Variants in DCAF7 observed in about 807,000 individuals in gnomAD.
DCAF7 encodes the protein DDB1- and CUL4-associated factor 7.
In DCAF7, 4 loss-of-function variants were observed where a neutral mutation model predicts 41.2. The ratio of observed to expected loss-of-function variants is 0.10; its 90% CI spans 0.05 to 0.22. The LOEUF (loss-of-function observed/expected upper bound fraction) is 0.22, where lower values mean the gene tolerates loss of function less well. Among genes scored for constraint, DCAF7 ranks in the 10% least tolerant of loss-of-function variants. The probability of loss-of-function intolerance (pLI) is 1.00; values close to 1 mark genes in which losing one functional copy is unlikely to be tolerated. For missense variants in DCAF7, 131 were observed against 443.2 expected (o/e 0.30, Z 6.32); for synonymous variants, 143 against 164.2 (o/e 0.87, Z 0.99).
Position 63,592,246 on chromosome 17 carries a change from C to CA in DCAF7, c.*3083dup, listed in dbSNP as rs912923360. The CA allele has an allele frequency of 3.3e-5, 5 of 150,422 alleles. No homozygotes were observed. Among genetic ancestry groups the CA allele is most frequent in the Admixed American group, 6.6e-5 (1 of 15,078 alleles). 9.3% of individuals were successfully genotyped at this position (150,422 alleles called of 1,614,324 possible). On this transcript the variant is annotated 3_prime_UTR_variant, in exon 7 of 7. Transcript: ENST00000614556. ...TGAAACCCCATCTCTACTAAAAATA[C>CA]AAAAAAAAATTAGCCGGGGGTGGTG...
intron 1 of DCAF7, among the ~76,000 whole-genome samples, chr17:63,568,782 GC>G (rs1262854997): frequency 1.3e-5 from 2 of 152,228 alleles, no homozygotes; most frequent in East Asian, 3.9e-4. Flanking sequence ...CTCACACCCT[GC>G]CCCACCTCAC....
intron 1 of DCAF7, among the ~76,000 whole-genome samples, chr17:63,562,072 C>A (rs1191750722): frequency 2.0e-5 from 3 of 150,528 alleles, no homozygotes; most frequent in African/African-American, 7.3e-5. Context: ...GGAACACTTA[C>A]CCTACCAGAT....
At chr17:63,553,443 G>A (rs554598904) in intron 1 of DCAF7, among the ~76,000 whole-genome samples, 1 of 152,230 alleles carries the variant, frequency 6.6e-6, no homozygotes, top group Non-Finnish European at 1.5e-5. Flanking sequence ...CCCTGCGAGA[G>A]AGAAGTATGT....
chr17:63,581,908 A>T (rs998504024), intron 4 of DCAF7, among the ~76,000 whole-genome samples: 5 of 152,062 alleles, frequency 3.3e-5, no homozygotes, highest in Non-Finnish European at 7.4e-5. Flanking sequence ...TGTACTTGGG[A>T]GTTGTCACCT....
chr17:63,551,344 C>T (rs1167664020), intron 1 of DCAF7, among the ~76,000 whole-genome samples: 1 of 142,694 alleles, frequency 7.0e-6, no homozygotes, highest in Non-Finnish European at 1.5e-5. Flanking sequence ...GCCCTTCTGC[C>T]AGAATTACTG....
chr17:63,585,386 C>A (rs1472581892), intron 6 of DCAF7, 58 bp downstream of exon 6: 3 of 1,464,368 alleles, frequency 2.0e-6, no homozygotes, highest in Admixed American at 1.7e-5. Flanking sequence ...GTTCTCTTGG[C>A]TCCTTAGAAT....
At chr17:63,566,948 G>T (rs2033449095) in intron 1 of DCAF7, among the ~76,000 whole-genome samples, 1 of 150,970 alleles carries the variant, frequency 6.6e-6, no homozygotes, top group African/African-American at 2.4e-5. Flanking sequence ...TATGATGCAA[G>T]TCTATTTAAG....
chr17:63,575,636 C>T (rs1360469169), intron 1 of DCAF7, among the ~76,000 whole-genome samples: 1 of 152,012 alleles, frequency 6.6e-6, no homozygotes, highest in East Asian at 1.9e-4. Context: ...TGCAGTGAGC[C>T]AAGATCGTGC....
intron 1 of DCAF7, among the ~76,000 whole-genome samples, chr17:63,574,835 C>T (rs531619374): frequency 4.0e-4 from 60 of 150,400 alleles, no homozygotes; most frequent in African/African-American, 1.4e-3. Flanking sequence ...TAGCTGGGTA[C>T]GGTGGCTTGT....
At chr17:63,576,465 C>T (rs2033563098) in intron 1 of DCAF7, among the ~76,000 whole-genome samples, 1 of 151,898 alleles carries the variant, frequency 6.6e-6, no homozygotes, top group Non-Finnish European at 1.5e-5. Flanking sequence ...AAAACAACAA[C>T]AAAAAGCAAA....
chr17:63,550,861 C>G lies in DCAF7; in HGVS notation c.138+46C>G, dbSNP rs1044696158. The G allele has an allele frequency of 6.3e-7, 1 of 1,590,184 alleles. No individual in the cohort carries two copies. Among genetic ancestry groups the G allele is most frequent in the African/African-American group, 1.3e-5 (1 of 74,572 alleles). ...GAACCCAGCTGGCGGGGAGCGGGCC[C>G]CGGGAGCGCCCTTTCCGGGCCGGAG... On this transcript the variant is annotated intron_variant, in intron 1 of 6. Transcript: ENST00000614556. The surrounding 1 kb of genome is among the most constrained non-coding windows in gnomAD (Gnocchi z 4.8).
rs1478614359 is a variant in DCAF7, at chr17:63,590,714, T to C, written c.*1542T>C. On this transcript the variant is annotated 3_prime_UTR_variant, in exon 7 of 7. Coordinates refer to ENST00000614556, the MANE Select transcript of DCAF7 (RefSeq NM_005828.5). ...CTACCCGAAGGTTTTTAAGTCCCTCTGAATTGCTCATCTGAGATTAGTAGA... is the reference window on the plus strand; with the variant it reads ...CTACCCGAAGGTTTTTAAGTCCCTCCGAATTGCTCATCTGAGATTAGTAGA... 6.6e-6 allele frequency: 1 copy of C among 152,638 alleles called. No individual in the cohort carries two copies. Among genetic ancestry groups the C allele is most frequent in the African/African-American group, 2.4e-5 (1 of 41,454 alleles). 9.5% of individuals were successfully genotyped at this position (152,638 alleles called of 1,614,324 possible). A position where few individuals can be genotyped will look rare whatever the true frequency, so the allele number is the denominator to read the frequency against.
chr17:63,554,626 A>C (rs2033292402), intron 1 of DCAF7, among the ~76,000 whole-genome samples: 1 of 152,230 alleles, frequency 6.6e-6, no homozygotes, highest in South Asian at 2.1e-4. Context: ...TCTGTGTCTC[A>C]GTTTCATCAT....
Position 63,585,732 on chromosome 17 carries a change from G to A in DCAF7, c.856+404G>A, listed in dbSNP as rs183662536. The stretch of plus-strand genomic sequence containing the variant: ...CAGGTTTCACTATAACAAACCCACA[G>A]TGTGCTCTGGATGCATCGGAGGGCC... On this transcript the variant is annotated intron_variant, in intron 6 of 6. Coordinates refer to ENST00000614556, the MANE Select transcript of DCAF7 (RefSeq NM_005828.5). Among the ~76,000 whole-genome samples the A allele has an allele frequency of 2.8e-4, 42 of 152,290 alleles. 2 individuals are homozygous for A. Among genetic ancestry groups the A allele is most frequent in the Admixed American group, 1.2e-3 (18 of 15,296 alleles).
Position 63,591,072 on chromosome 17 carries a change from C to T in DCAF7, c.*1900C>T, listed in dbSNP as rs1055584963. ...CACTGCATCGTTTGGAGATACAAAG[C>T]GAGCAGTTCTTGGTCAGAACCCTCC... On this transcript the variant is annotated 3_prime_UTR_variant, in exon 7 of 7. Coordinates refer to ENST00000614556, the MANE Select transcript of DCAF7 (RefSeq NM_005828.5). The T allele has an allele frequency of 2.6e-5, 4 of 152,186 alleles. No individual in the cohort carries two copies. Among genetic ancestry groups the T allele is most frequent in the South Asian group, 2.1e-4 (1 of 4,824 alleles). The allele number at this position is 152,186 out of a possible 1,614,324, so 9.4% of individuals were successfully genotyped here.
At chr17:63,587,806 T>G (rs1222341877) in intron 6 of DCAF7, among the ~76,000 whole-genome samples, 1 of 152,044 alleles carries the variant, frequency 6.6e-6, no homozygotes, top group Non-Finnish European at 1.5e-5. Flanking sequence ...TTTTTAAAAA[T>G]TAACTTACTA....
intron 1 of DCAF7, among the ~76,000 whole-genome samples, chr17:63,554,350 C>G (rs1234769179): frequency 6.6e-6 from 1 of 152,226 alleles, no homozygotes; most frequent in Non-Finnish European, 1.5e-5. Context: ...TTCCTGGGCT[C>G]CACCCCTGAA....
intron 4 of DCAF7, among the ~76,000 whole-genome samples, chr17:63,583,293 A>G (rs548159637): frequency 9.2e-5 from 14 of 152,298 alleles, no homozygotes; most frequent in African/African-American, 2.9e-4. Context: ...AAGCCAGCCA[A>G]TTTCTATAGC....
chr17:63,550,596 C>G lies in DCAF7; in HGVS notation c.-82C>G. The G allele has an allele frequency of 6.4e-7, 1 of 1,574,060 alleles. No individual in the cohort carries two copies. Among genetic ancestry groups the G allele is most frequent in the Non-Finnish European group, 8.6e-7 (1 of 1,158,950 alleles). Reference sequence around the variant, plus strand: ...TGCCCGCCCCCTCCTCTCCTCCCTTCGGACCCATAGATCTCAGGCTCGGCT... The same window carrying G: ...TGCCCGCCCCCTCCTCTCCTCCCTTGGGACCCATAGATCTCAGGCTCGGCT... On this transcript the variant is annotated 5_prime_UTR_variant, in exon 1 of 7. Coordinates refer to ENST00000614556, the MANE Select transcript of DCAF7 (RefSeq NM_005828.5). The surrounding 1 kb of genome is among the most constrained non-coding windows in gnomAD (Gnocchi z 4.8).
Sources: gnomAD v4.1 joint callset for allele counts (sites outside exome capture counted in the v4.1 genomes callset) on GRCh38, gnomAD v4.1.1 for gene constraint, Gnocchi (gnomAD v3.1) non-coding constraint, MANE v1.5 for transcripts, NCBI Gene and HGNC (gene_info 2026-07-23, HGNC 2026-07-21) for gene names.